The following PLCE1 variants were observed in gnomAD, a reference collection of about 807,000 sequenced individuals.
PLCE1 encodes phospholipase C epsilon 1.
In PLCE1, 119 loss-of-function variants were observed where a neutral mutation model predicts 242.8. The ratio of observed to expected loss-of-function variants is 0.49; its 90% CI spans 0.42 to 0.57. PLCE1 has a LOEUF of 0.57. PLCE1 is among the 20% of genes least tolerant of loss of function. The pLI is 0.00. For synonymous variants in PLCE1, 945 were observed against 1,017.4 expected, an observed-to-expected ratio of 0.93 and a Z score of 1.35; for missense variants, 2,441 against 2,788.8, an observed-to-expected ratio of 0.88 and a Z score of 2.81.
intron 4 of PLCE1, among the ~76,000 whole-genome samples, chr10:94,215,644 T>A (rs1383055517): frequency 6.6e-6 from 1 of 152,144 alleles, no homozygotes; most frequent in African/African-American, 2.4e-5. Context: ...CAGTTCATTC[T>A]TGGATATACA....
intron 3 of PLCE1, among the ~76,000 whole-genome samples, chr10:94,166,473 A>C (rs1269225179): frequency 6.6e-6 from 1 of 152,102 alleles, no homozygotes; most frequent in Non-Finnish European, 1.5e-5. Flanking sequence ...TCATGATCAG[A>C]AGGTTGCTCA....
At chr10:94,101,172 A>G (rs2135489313) in intron 2 of PLCE1, among the ~76,000 whole-genome samples, 2 of 152,276 alleles carry the variant, frequency 1.3e-5, no homozygotes, top group South Asian at 4.2e-4. Flanking sequence ...AGGCGCTAGA[A>G]GGGTACTTCC....
chr10:94,096,236 C>T (rs899821645), intron 2 of PLCE1: 4 of 152,120 alleles, frequency 2.6e-5, no homozygotes, highest in Admixed American at 6.5e-5. Flanking sequence ...ACACTCAAGA[C>T]GAAGCAACAA....
At chr10:94,039,464 C>G (rs2061726926) in intron 2 of PLCE1, among the ~76,000 whole-genome samples, 1 of 152,026 alleles carries the variant, frequency 6.6e-6, no homozygotes, top group South Asian at 2.1e-4. Flanking sequence ...TCACTGCAAC[C>G]TCTGCCTCCT....
intron 4 of PLCE1, among the ~76,000 whole-genome samples, chr10:94,174,567 A>C (rs1025497344): frequency 1.3e-5 from 2 of 152,198 alleles, no homozygotes; most frequent in African/African-American, 4.8e-5. Context: ...CAAGTGATCA[A>C]GGCTAACATG....
At chr10:94,066,486 G>A (rs2044199095) in intron 2 of PLCE1, among the ~76,000 whole-genome samples, 1 of 152,062 alleles carries the variant, frequency 6.6e-6, no homozygotes, top group Admixed American at 6.6e-5. Context: ...CCCTAACTCT[G>A]GTATGGTGGA....
chr10:94,159,584 A>T (rs1270114064), intron 3 of PLCE1, among the ~76,000 whole-genome samples: 3 of 152,240 alleles, frequency 2.0e-5, no homozygotes, highest in Non-Finnish European at 2.9e-5. Flanking sequence ...GATAGAGTAG[A>T]TAGAATAAGT....
chr10:94,045,084 T>A (rs2061851328), intron 2 of PLCE1, among the ~76,000 whole-genome samples: 1 of 152,178 alleles, frequency 6.6e-6, no homozygotes, highest in Non-Finnish European at 1.5e-5. Flanking sequence ...CACTGCAGTC[T>A]GGAACTCCTG....
chr10:94,132,855 C>A (rs945868157), intron 3 of PLCE1, among the ~76,000 whole-genome samples: 11 of 147,410 alleles, frequency 7.5e-5, no homozygotes, highest in Admixed American at 2.1e-4. Flanking sequence ...GAGGCTGAGG[C>A]AGGAGAATGG....
intron 2 of PLCE1, among the ~76,000 whole-genome samples, chr10:94,062,076 T>C (rs927489706): frequency 6.6e-6 from 1 of 152,252 alleles, no homozygotes; most frequent in African/African-American, 2.4e-5. Context: ...AAATGTATAA[T>C]GTTAAGAACA....
intron 2 of PLCE1, among the ~76,000 whole-genome samples, chr10:94,127,823 GT>G: frequency 6.6e-6 from 1 of 152,102 alleles, no homozygotes; most frequent in East Asian, 1.9e-4. Flanking sequence ...CTTATCCAAG[GT>G]CACACAGCTG....
chr10:94,227,241 T>C, intron 4 of PLCE1, 65 bp from the exon 5 acceptor site: 2 of 1,498,190 alleles, frequency 1.3e-6, no homozygotes, highest in Admixed American at 1.7e-5. Flanking sequence ...AAGAATGCTT[T>C]TGGAAAAAAA....
intron 4 of PLCE1, among the ~76,000 whole-genome samples, chr10:94,221,729 T>C (rs1406669767): frequency 6.6e-6 from 1 of 152,072 alleles, no homozygotes; most frequent in Admixed American, 6.5e-5. Flanking sequence ...AGGGAAGTTC[T>C]GTCTAAAAAA....
At chr10:94,323,461 T>C (rs7920277) in intron 30 of PLCE1, among the ~76,000 whole-genome samples, 1,876 of 152,282 alleles carry the variant, frequency 0.012, 46 homozygotes, top group African/African-American at 0.042. Context: ...AAGCCCTTAT[T>C]TATTTCTTTT....
At chr10:94,214,217 G>A (rs1793582663) in intron 4 of PLCE1, among the ~76,000 whole-genome samples, 2 of 152,180 alleles carry the variant, frequency 1.3e-5, no homozygotes, top group African/African-American at 4.8e-5. Flanking sequence ...CCAGAAGACT[G>A]TCCAAGTGCC....
intron 3 of PLCE1, among the ~76,000 whole-genome samples, chr10:94,159,509 A>G (rs2047541814): frequency 6.6e-6 from 1 of 152,224 alleles, no homozygotes; most frequent in Non-Finnish European, 1.5e-5. Flanking sequence ...GGACTATTAA[A>G]TGTGCAATTG....
intron 4 of PLCE1, among the ~76,000 whole-genome samples, chr10:94,211,045 C>A (rs952669745): frequency 6.6e-6 from 1 of 152,236 alleles, no homozygotes; most frequent in Non-Finnish European, 1.5e-5. Context: ...CCACTGCCAC[C>A]TCTTGGACTC....
At chr10:94,161,029 G>A (rs1243644841) in intron 3 of PLCE1, among the ~76,000 whole-genome samples, 1 of 152,194 alleles carries the variant, frequency 6.6e-6, no homozygotes, top group Admixed American at 6.5e-5. Context: ...ATAGTTTGAA[G>A]TCAGGTAGTG....
chr10:94,147,103 T>C (rs753928120), intron 3 of PLCE1, among the ~76,000 whole-genome samples: 3 of 152,166 alleles, frequency 2.0e-5, no homozygotes, highest in Non-Finnish European at 4.4e-5. Context: ...ATTTTCACTC[T>C]TTTAATCCCA....
Sources: allele counts gnomAD v4.1 joint callset (sites outside exome capture counted in the v4.1 genomes callset), GRCh38; gene constraint gnomAD v4.1.1; transcripts MANE v1.5; gene names NCBI Gene and HGNC (gene_info 2026-07-23, HGNC 2026-07-21).